Variants in RBMS3 observed in about 807,000 individuals in gnomAD.
The protein encoded by RBMS3 is RNA-binding motif, single-stranded-interacting protein 3.
In RBMS3, 27 loss-of-function variants were observed where a neutral mutation model predicts 66.8. The ratio of observed to expected loss-of-function variants is 0.40; its 90% confidence interval spans 0.30 to 0.56. RBMS3 has a LOEUF of 0.56. Among genes scored for constraint, RBMS3 ranks in the 20% least tolerant of loss-of-function variants. The pLI is 0.40. For missense variants in RBMS3, 513 were observed against 549.5 expected, an observed-to-expected ratio of 0.93 and a Z score of 0.66; for synonymous variants, 188 against 183.0, an observed-to-expected ratio of 1.03 and a Z score of -0.22.
intron 3 of RBMS3, among the ~76,000 whole-genome samples, chr3:29,507,874 T>G (rs2044243588): frequency 6.6e-6 from 1 of 152,180 alleles, no homozygotes; most frequent in Admixed American, 6.6e-5. Context: ...TTTTCAATGT[T>G]CATTATATGT....
intron 1 of RBMS3, among the ~76,000 whole-genome samples, chr3:29,308,800 CAAA>C (rs10706270): frequency 3.4e-4 from 45 of 130,462 alleles, no homozygotes; most frequent in Non-Finnish European, 5.9e-4. Flanking sequence ...AAAATTTTGT[CAAA>C]AAAAAAAAAA....
At chr3:29,466,428 T>C (rs1294823771) in intron 2 of RBMS3, among the ~76,000 whole-genome samples, 1 of 152,198 alleles carries the variant, frequency 6.6e-6, no homozygotes. Flanking sequence ...ATTGTTTATA[T>C]ATTTTTTTAG....
chr3:29,766,088 C>T lies in RBMS3; in HGVS notation c.637+3099C>T, dbSNP rs796666102. ...TGGGGACACAGCCAAACTATGTTGC[C>T]TACATTTAATATAACTCTAAGCAAG... On this transcript the variant is annotated intron_variant, in intron 6 of 14. Transcript: ENST00000383767. 4.6e-5 allele frequency: 7 copies of T among 152,040 alleles called. 1 individual carries two copies. The highest frequency in any genetic ancestry group is 1.7e-4 in the African/African-American group (7 of 41,510). The allele number at this position is 152,040 out of a possible 1,614,324, so 9.4% of individuals were successfully genotyped here.
chr3:29,301,448 T>C (rs565311267), intron 1 of RBMS3, among the ~76,000 whole-genome samples: 61 of 152,112 alleles, frequency 4.0e-4, no homozygotes, highest in African/African-American at 1.4e-3. Flanking sequence ...TTAGCAGAAA[T>C]TTAACCCCTC....
At chr3:29,945,094 T>C (rs1386136379) in intron 12 of RBMS3, among the ~76,000 whole-genome samples, 2 of 151,684 alleles carry the variant, frequency 1.3e-5, no homozygotes, top group African/African-American at 2.4e-5. Context: ...ATACTGGCAA[T>C]CTGAAGAGGA....
intron 10 of RBMS3, among the ~76,000 whole-genome samples, chr3:29,932,752 A>G (rs1413571662): frequency 6.6e-6 from 1 of 152,164 alleles, no homozygotes; most frequent in Non-Finnish European, 1.5e-5. Context: ...ATTTCTTTCA[A>G]ACATTGGCAG....
At chr3:29,922,055 C>T (rs1300786959) in intron 10 of RBMS3, among the ~76,000 whole-genome samples, 2 of 152,198 alleles carry the variant, frequency 1.3e-5, no homozygotes, top group South Asian at 2.1e-4. Context: ...CAGAAAATGA[C>T]ATGGCATCTC....
At chr3:29,287,927 T>C (rs2032497593) in intron 1 of RBMS3, among the ~76,000 whole-genome samples, 1 of 152,044 alleles carries the variant, frequency 6.6e-6, no homozygotes, top group African/African-American at 2.4e-5. Flanking sequence ...TTTTTTTATT[T>C]TAAGTTGATA....
intron 6 of RBMS3, among the ~76,000 whole-genome samples, chr3:29,783,368 C>T (rs1425943942): frequency 2.0e-5 from 3 of 152,080 alleles, no homozygotes; most frequent in Admixed American, 6.6e-5. Context: ...AAATCCTACC[C>T]GCTAGAAGGG....
chr3:29,436,481 C>T (rs543483519), intron 2 of RBMS3, among the ~76,000 whole-genome samples: 1 of 152,212 alleles, frequency 6.6e-6, no homozygotes, highest in East Asian at 1.9e-4. Context: ...TACAAATATA[C>T]GTTAGATTTT....
chr3:29,599,930 CA>C (rs1020915871), intron 4 of RBMS3, among the ~76,000 whole-genome samples: 2 of 151,218 alleles, frequency 1.3e-5, no homozygotes. Context: ...ATATAGTAAA[CA>C]AAAAAAGATG....
At chr3:29,579,664 A>T (rs1288871125) in intron 3 of RBMS3, among the ~76,000 whole-genome samples, 2 of 152,130 alleles carry the variant, frequency 1.3e-5, no homozygotes, top group African/African-American at 2.4e-5. Flanking sequence ...TGCTGTTTTG[A>T]TGGTAGAGAC....
intron 6 of RBMS3, among the ~76,000 whole-genome samples, chr3:29,764,635 T>C (rs2149385696): frequency 6.6e-6 from 1 of 152,202 alleles, no homozygotes; most frequent in East Asian, 1.9e-4. Flanking sequence ...TTGTTCAAAA[T>C]ATTGGTATGT....
At chr3:29,846,994 T>C (rs1313785926) in intron 6 of RBMS3, among the ~76,000 whole-genome samples, 4 of 152,182 alleles carry the variant, frequency 2.6e-5, no homozygotes, top group Non-Finnish European at 5.9e-5. Flanking sequence ...TCTGATATAG[T>C]ACCCAGGAAG....
chr3:29,449,987 A>G (rs574574520), intron 2 of RBMS3, among the ~76,000 whole-genome samples: 1 of 152,292 alleles, frequency 6.6e-6, no homozygotes, highest in South Asian at 2.1e-4. Flanking sequence ...ACAGAAATGG[A>G]GCAGCATATT....
intron 4 of RBMS3, chr3:29,616,685 C>A (rs936494292): frequency 6.6e-6 from 1 of 152,136 alleles, no homozygotes; most frequent in Non-Finnish European, 1.5e-5. Context: ...AACACCTCTT[C>A]GCATGTCCCT....
At chr3:29,545,729 TGTA>T (rs2045925976) in intron 3 of RBMS3, among the ~76,000 whole-genome samples, 1 of 152,198 alleles carries the variant, frequency 6.6e-6, no homozygotes, top group Non-Finnish European at 1.5e-5. Context: ...TTTTTGCCAT[TGTA>T]GCTACTGCCA....
At chr3:29,390,974 AC>A in intron 1 of RBMS3, 1 of 271,738 alleles carries the variant, frequency 3.7e-6, no homozygotes, top group Non-Finnish European at 8.4e-6. Flanking sequence ...ACAGTCTTAG[AC>A]AAAAGCCACG....
intron 3 of RBMS3, among the ~76,000 whole-genome samples, chr3:29,521,860 C>G (rs890811118): frequency 1.3e-5 from 2 of 152,088 alleles, no homozygotes. Context: ...TTTTAACAAC[C>G]CTGATACATA....
Sources: allele counts gnomAD v4.1 joint callset (sites outside exome capture counted in the v4.1 genomes callset), GRCh38; gene constraint gnomAD v4.1.1; transcripts MANE v1.5; gene names NCBI Gene and HGNC (gene_info 2026-07-23, HGNC 2026-07-21).